Variants in SRGAP1 observed in about 807,000 individuals in gnomAD.
The protein encoded by SRGAP1 is SLIT-ROBO Rho GTPase activating protein 1.
In SRGAP1, 43 loss-of-function variants were observed where a neutral mutation model predicts 121.9. That is an observed-to-expected ratio of 0.35 (90% confidence interval 0.28 to 0.46). The LOEUF (loss-of-function observed/expected upper bound fraction) is 0.46, where lower values mean the gene tolerates loss of function less well. Ranked by LOEUF, SRGAP1 falls within the 20% of genes least tolerant of loss-of-function variation. SRGAP1 has a pLI of 1.00. For synonymous variants in SRGAP1, 447 were observed against 485.4 expected (o/e 0.92, Z 1.04); for missense variants, 1,102 against 1,350.9 (o/e 0.82, Z 2.89).
chr12:63,994,438 G>A (rs1317351947), intron 3 of SRGAP1, among the ~76,000 whole-genome samples: 1 of 152,108 alleles, frequency 6.6e-6, no homozygotes, highest in African/African-American at 2.4e-5. Context: ...ATTGTTTGTG[G>A]CTAAATTAAG....
intron 3 of SRGAP1, among the ~76,000 whole-genome samples, chr12:64,005,806 T>G (rs1434147339): frequency 6.6e-6 from 1 of 152,302 alleles, no homozygotes; most frequent in East Asian, 1.9e-4. Flanking sequence ...TTCTCTTCCC[T>G]TTTTATTTTT....
chr12:64,086,144 A>G (rs1325504711), intron 10 of SRGAP1, among the ~76,000 whole-genome samples: 1 of 152,194 alleles, frequency 6.6e-6, no homozygotes, highest in African/African-American at 2.4e-5. Context: ...TTGTGCTGCA[A>G]CGTGACCATC....
intron 1 of SRGAP1, among the ~76,000 whole-genome samples, chr12:63,868,054 A>ATT (rs1899704114): frequency 8.9e-5 from 3 of 33,624 alleles, no homozygotes; most frequent in Non-Finnish European, 1.3e-4. Flanking sequence ...ATATATATAT[A>ATT]TATTTTTTTT....
intron 1 of SRGAP1, among the ~76,000 whole-genome samples, chr12:63,894,422 C>T (rs567365875): frequency 3.3e-5 from 5 of 152,108 alleles, no homozygotes; most frequent in African/African-American, 7.2e-5. Flanking sequence ...AAAGTCTCTT[C>T]GCTCATTGTA....
chr12:63,862,524 C>T (rs1166830709), intron 1 of SRGAP1, among the ~76,000 whole-genome samples: 2 of 152,196 alleles, frequency 1.3e-5, no homozygotes, highest in Non-Finnish European at 1.5e-5. Context: ...CAAACAGCTC[C>T]TTCTCACAGA....
At position 63,958,786 on chromosome 12, in the gene SRGAP1, A is replaced by ATTAT. The variant is rs558799116; in HGVS notation, c.68-25161_68-25160insTTAT. ...AAATCATACACCACACCTTACTATA[A>ATTAT]GCCTTGTCAACGGAAGGCTGATTTT... On this transcript the variant is annotated intron_variant, in intron 1 of 21. Coordinates refer to ENST00000355086, the MANE Select transcript of SRGAP1 (RefSeq NM_020762.4). 2.6e-5 allele frequency among the ~76,000 whole-genome samples: 4 copies of ATTAT among 152,298 alleles called. No individual in the cohort carries two copies. The East Asian group carries it at 7.7e-4, about 29-fold the overall frequency.
chr12:64,086,556 T>C (rs996375525), intron 10 of SRGAP1, among the ~76,000 whole-genome samples: 1 of 152,108 alleles, frequency 6.6e-6, no homozygotes, highest in South Asian at 2.1e-4. Context: ...CAACTTAGTC[T>C]AAGGAAAATT....
intron 1 of SRGAP1, among the ~76,000 whole-genome samples, chr12:63,904,404 A>G (rs1004430540): frequency 2.0e-5 from 3 of 152,302 alleles, no homozygotes; most frequent in African/African-American, 7.2e-5. Flanking sequence ...TTGGAATGCG[A>G]ACATGATGGC....
At chr12:63,873,369 A>G (rs1899918619) in intron 1 of SRGAP1, among the ~76,000 whole-genome samples, 2 of 151,932 alleles carry the variant, frequency 1.3e-5, no homozygotes, top group Non-Finnish European at 2.9e-5. Context: ...CGTGTCTACT[A>G]CAAATACAAA....
At chr12:64,085,220 A>G in intron 10 of SRGAP1, among the ~76,000 whole-genome samples, 1 of 152,158 alleles carries the variant, frequency 6.6e-6, no homozygotes, top group South Asian at 2.1e-4. Context: ...AAGGATAACA[A>G]TAGAAGCTAC....
intron 4 of SRGAP1, among the ~76,000 whole-genome samples, chr12:64,023,204 CAAAAAAAA>C (rs11312893): frequency 1.4e-4 from 11 of 77,116 alleles, no homozygotes; most frequent in East Asian, 4.2e-4. Flanking sequence ...ACTTTTGTAC[CAAAAAAAA>C]AAAAAAAAAA....
intron 3 of SRGAP1, among the ~76,000 whole-genome samples, chr12:63,995,997 G>C (rs981810937): frequency 1.3e-5 from 2 of 150,362 alleles, no homozygotes; most frequent in Admixed American, 6.6e-5. Flanking sequence ...CTTGACTACA[G>C]ATCTCTAAGG....
chr12:64,043,651 A>G, intron 6 of SRGAP1, 76 bp downstream of exon 6: 7 of 1,178,674 alleles, frequency 5.9e-6, no homozygotes, highest in Non-Finnish European at 8.4e-6. Context: ...ATTGGAAAAT[A>G]CTGTCATTTC....
intron 4 of SRGAP1, among the ~76,000 whole-genome samples, chr12:64,030,409 A>G (rs2034748963): frequency 6.6e-6 from 1 of 152,218 alleles, no homozygotes; most frequent in South Asian, 2.1e-4. Flanking sequence ...GCAGATTAAG[A>G]TTTATAAGTA....
chr12:63,993,376 GC>G (rs1034415871), intron 3 of SRGAP1, among the ~76,000 whole-genome samples: 26 of 152,256 alleles, frequency 1.7e-4, no homozygotes, highest in Admixed American at 1.6e-3. Flanking sequence ...CTCTTTTCTA[GC>G]TCTTCTTCCA....
chr12:64,040,059 A>T (rs1046158280), intron 4 of SRGAP1, among the ~76,000 whole-genome samples: 1 of 152,184 alleles, frequency 6.6e-6, no homozygotes, highest in Non-Finnish European at 1.5e-5. Context: ...GAAAGCCATC[A>T]TCAGATTTTA....
rs1899468525 is a variant in SRGAP1, at chr12:63,861,941, G to A, written c.67+17058G>A. Among the ~76,000 whole-genome samples the A allele has an allele frequency of 2.0e-5, 3 of 152,226 alleles. No individual in the cohort carries two copies. In the South Asian group the frequency reaches 6.2e-4, roughly 32 times the overall value. On this transcript the variant is annotated intron_variant, in intron 1 of 21. Coordinates refer to ENST00000355086, the MANE Select transcript of SRGAP1 (RefSeq NM_020762.4). ...GTTTGAGACCAGCCTGGCCGACATG[G>A]TAAACCCCGTCTCTGCTAATAACAC... is the stretch of plus-strand genomic sequence containing the variant.
chr12:64,085,711 G>A (rs2035925003), intron 10 of SRGAP1, among the ~76,000 whole-genome samples: 1 of 152,128 alleles, frequency 6.6e-6, no homozygotes, highest in Admixed American at 6.5e-5. Context: ...GAAGTTCTAT[G>A]TACACCTTCA....
At chr12:64,020,279 T>C (rs2034510063) in intron 4 of SRGAP1, among the ~76,000 whole-genome samples, 1 of 152,172 alleles carries the variant, frequency 6.6e-6, no homozygotes, top group African/African-American at 2.4e-5. Flanking sequence ...GTAGATATGA[T>C]ATCATATGAT....
Sources: gnomAD v4.1 joint callset for allele counts (sites outside exome capture counted in the v4.1 genomes callset) on GRCh38, gnomAD v4.1.1 for gene constraint, MANE v1.5 for transcripts, NCBI Gene and HGNC (gene_info 2026-07-23, HGNC 2026-07-21) for gene names.